GDPD2: variants seen among roughly 807,000 people sequenced by gnomAD.
The protein encoded by GDPD2 is glycerophosphodiester phosphodiesterase domain containing 2.
A neutral mutation model predicts 49.2 loss-of-function variants in GDPD2; 23 were observed. The observed-to-expected ratio is 0.47, with a 90% CI of 0.34 to 0.66. The LOEUF (loss-of-function observed/expected upper bound fraction) is 0.66. GDPD2 is among the 30% of genes least tolerant of loss of function. GDPD2 has a pLI of 0.01. For missense variants in GDPD2, 338 were observed against 424.7 expected (o/e 0.80, Z 1.79); for synonymous variants, 167 against 171.4 (o/e 0.97, Z 0.20).
rs752941391 is a variant in GDPD2, at chrX:70,425,194, C to G, written c.105+105C>G. ...CATAGACAGCTTGGGGGAAGGGGCT[C>G]TCTCTCCCAGGAAGAAAATCTCCCT... On this transcript the variant is annotated intron_variant, in intron 2 of 15. Transcript: ENST00000374382. 359 of 664,612 alleles carry G rather than the reference C, an allele frequency of 5.4e-4. 1 individual carries two copies. In the South Asian group the frequency reaches 8.7e-3, roughly 16 times the overall value. The allele number at this position is 664,612 out of a possible 1,213,427, so 54.8% of individuals were successfully genotyped here.
chrX:70,424,930 C>A, intron 1 of GDPD2, 46 bp from the exon 2 acceptor site: 1 of 828,247 alleles, frequency 1.2e-6, no homozygotes, highest in East Asian at 3.4e-5. Context: ...AGACTGGGAT[C>A]TGCCCTCTGC....
chrX:70,428,920 G>A (rs1316964568), intron 10 of GDPD2, among the ~76,000 whole-genome samples: 2 of 112,062 alleles, frequency 1.8e-5, no homozygotes, highest in South Asian at 3.7e-4. Context: ...TAACACTAGG[G>A]GGAATGGGAG....
intron 10 of GDPD2, 134 bp downstream of exon 10, chrX:70,427,597 C>A: frequency 2.0e-6 from 1 of 499,912 alleles, no homozygotes; most frequent in Non-Finnish European, 3.2e-6. Flanking sequence ...AAGTCACTTC[C>A]ACCTAGTAGA....
rs778460828 is a variant in GDPD2 at position 70,427,205 on chromosome X, T to A, written c.771T>A (p.Thr257=). Residue 257 remains threonine, a synonymous_variant, in exon 9 of 16, where the codon ACT becomes ACA. Transcript: ENST00000374382. The part of the protein sequence containing the change: ...TAECGATVFE[T]DVMVSSDGVP... ...AATGCGGAGCTACTGTGTTTGAGAC[T>A]GATGTGATGGTCAGGTGAGGGAAGC... The A allele has an allele frequency of 4.2e-6, 5 of 1,204,395 alleles. No homozygotes were observed. Among genetic ancestry groups the A allele is most frequent in the Non-Finnish European group, 5.6e-6 (5 of 888,974 alleles).
At position 70,426,927 on chromosome X, in the gene GDPD2, C is replaced by T. The variant is rs1418633774; in HGVS notation, c.618C>T (p.Pro206=). The T allele has an allele frequency of 8.3e-7, 1 of 1,205,201 alleles. No individual in the cohort carries two copies. Among genetic ancestry groups the T allele is most frequent in the Non-Finnish European group, 1.1e-6 (1 of 891,011 alleles). ...FGVVLVIYLA[P]LCISSPCIME... is the part of the protein sequence containing the mutation. The stretch of plus-strand genomic sequence containing the variant: ...TTGTCCTGGTCATCTACTTGGCCCC[C>T]CTATGCATCTCCTCACCCTGCATCA... Residue 206 remains proline, a synonymous_variant, in exon 8 of 16, where the codon CCC becomes CCT. Transcript: ENST00000374382.
In GDPD2 at chrX:70,432,362, C is replaced by G; in HGVS notation, c.1363C>G (p.Leu455Val). Reference protein sequence around the residue: ...VNLFVVNKPWLFSLLWCAGVD... With the variant: ...VNLFVVNKPWVFSLLWCAGVD... ...CCTATTTGTAGTGAACAAGCCCTGG[C>G]TCTTCTCTCTGCTTTGGTGTGCAGG... The change falls in exon 13 of 16, where the codon CTC becomes GTC. Residue 455 changes from leucine to valine, a missense_variant. Around this residue, in one of 3 missense-constraint regions of GDPD2, gnomAD observed 253 missense variants for 330.4 expected, o/e 0.77. Transcript: ENST00000374382. The G allele has an allele frequency of 8.3e-7, 1 of 1,207,364 alleles. No homozygotes were observed. The highest frequency in any genetic ancestry group is 1.1e-6 in the Non-Finnish European group (1 of 891,656).
At chrX:70,425,909 G>C in intron 4 of GDPD2, 53 bp downstream of exon 4, 1 of 911,818 alleles carries the variant, frequency 1.1e-6, no homozygotes, top group Non-Finnish European at 1.6e-6. Flanking sequence ...TTCCTGCTTA[G>C]TTTTAGCTCC....
chrX:70,426,362 G>GC lies in GDPD2; in HGVS notation c.364-3dup, dbSNP rs778456600. 8.3e-7 allele frequency: 1 copy of GC among 1,206,889 alleles called. No homozygotes were observed. The highest frequency in any genetic ancestry group is 1.8e-5 in the South Asian group (1 of 56,572). On this transcript the variant is annotated splice_polypyrimidine_tract_variant and intron_variant, in intron 5 of 15. Transcript: ENST00000374382. The stretch of plus-strand genomic sequence containing the variant: ...GACCAAGAGGCCTCATTCATCCCTG[G>GC]CCCCCCAGGTGCTGCTGCTCCTCAT...
chrX:70,426,229 CAGTA>C, intron 5 of GDPD2, 118 bp downstream of exon 5: 1 of 793,666 alleles, frequency 1.3e-6, no homozygotes, highest in Non-Finnish European at 1.9e-6. Context: ...ACCTGAAGCC[CAGTA>C]AGTGTTGAGT....
intron 10 of GDPD2, among the ~76,000 whole-genome samples, 160 bp from the exon 11 acceptor site, chrX:70,429,333 T>C (rs1383515574): frequency 1.8e-5 from 2 of 110,759 alleles, no homozygotes; most frequent in African/African-American, 6.6e-5. Flanking sequence ...CAGAGTAAGA[T>C]GGTAGACGGT....
chrX:70,428,268 CAT>C (rs1407514917), intron 10 of GDPD2, among the ~76,000 whole-genome samples: 1 of 112,338 alleles, frequency 8.9e-6, no homozygotes, highest in African/African-American at 3.2e-5. Context: ...CAATACATCA[CAT>C]GAGATATTCA....
At chrX:70,430,487 TG>T (rs1569261441) in intron 12 of GDPD2, among the ~76,000 whole-genome samples, 1 of 111,297 alleles carries the variant, frequency 9.0e-6, no homozygotes, top group Non-Finnish European at 1.9e-5. Flanking sequence ...AACTATGAGC[TG>T]CAGAACAGGA....
At chrX:70,425,318 G>T (rs1268984702) in intron 2 of GDPD2, 36 bp from the exon 3 acceptor site, 1 of 957,136 alleles carries the variant, frequency 1.0e-6, no homozygotes, top group Admixed American at 2.2e-5. Flanking sequence ...TTTGAAGTAG[G>T]TATTGGTTGT....
At chrX:70,425,609 T>G in intron 3 of GDPD2, 152 bp downstream of exon 3, 1 of 547,130 alleles carries the variant, frequency 1.8e-6, no homozygotes, top group South Asian at 2.6e-5. Flanking sequence ...AGAAAATCCC[T>G]CCACAAAATC....
intron 4 of GDPD2, 35 bp from the exon 5 acceptor site, chrX:70,426,017 G>C (rs371384778): frequency 1.8e-5 from 21 of 1,159,398 alleles, no homozygotes; most frequent in Non-Finnish European, 2.1e-5. Context: ...CTCCCCTCTT[G>C]GCACCCCATA....
chrX:70,430,725 T>C (rs752752838), intron 12 of GDPD2, among the ~76,000 whole-genome samples: 179 of 112,082 alleles, frequency 1.6e-3, no homozygotes, highest in Non-Finnish European at 3.0e-3. Flanking sequence ...TATAAGGTCC[T>C]TGTGTTCAGA....
rs1467858888 is a variant in GDPD2, at chrX:70,424,965, C to T, written c.-9-11C>T. ...CCAGGGTCCCTGATGGTCGAGTGTC[C>T]CTTCCCCCAGGCCTTCACCATGGCC... On this transcript the variant is annotated splice_polypyrimidine_tract_variant and intron_variant, in intron 1 of 15. Coordinates refer to ENST00000374382, the MANE Select transcript of GDPD2 (RefSeq NM_017711.4). 3.6e-6 allele frequency: 4 copies of T among 1,113,645 alleles called. No homozygotes were observed. In the African/African-American group the frequency reaches 7.2e-5, roughly 20 times the overall value. The allele number at this position is 1,113,645 out of a possible 1,213,427, so 91.8% of individuals were successfully genotyped here. A position where few individuals can be genotyped will look rare whatever the true frequency, so the allele number is the denominator to read the frequency against.
intron 13 of GDPD2, 21 bp downstream of exon 13, chrX:70,432,475 A>G: frequency 8.4e-7 from 1 of 1,191,469 alleles, no homozygotes; most frequent in Admixed American, 2.2e-5. Context: ...TGGGACTGTC[A>G]CCTCTCCTCT....
chrX:70,425,522 G>C (rs5980938), intron 3 of GDPD2, 65 bp downstream of exon 3: 58,321 of 766,536 alleles, frequency 0.076, 1,845 homozygotes, highest in African/African-American at 0.13. Flanking sequence ...CCTGGGACCC[G>C]GGGGTGGCCC....
Sources: gnomAD v4.1 joint callset for allele counts (sites outside exome capture counted in the v4.1 genomes callset) on GRCh38, gnomAD v4.1.1 for gene constraint, gnomAD v4.1.1 regional missense constraint, MANE v1.5 for transcripts, NCBI Gene and HGNC (gene_info 2026-07-23, HGNC 2026-07-21) for gene names.